The following LRFN2 variants were observed in gnomAD, a reference collection of about 807,000 sequenced individuals.
LRFN2 encodes leucine rich repeat and fibronectin type III domain containing 2.
In LRFN2, 18 loss-of-function variants were observed where a neutral mutation model predicts 37.3. The ratio of observed to expected loss-of-function variants is 0.48; its 90% CI spans 0.33 to 0.72. The LOEUF (loss-of-function observed/expected upper bound fraction) is 0.72, where lower values mean the gene tolerates loss of function less well. LRFN2 is among the 30% of genes least tolerant of loss of function. The pLI is 0.02. For missense variants in LRFN2, 1,006 were observed against 1,060.7 expected (o/e 0.95, Z 0.72); for synonymous variants, 556 against 466.6 (o/e 1.19, Z -2.47).
intron 1 of LRFN2, among the ~76,000 whole-genome samples, chr6:40,574,545 G>T (rs1262142557): frequency 6.6e-6 from 1 of 152,172 alleles, no homozygotes; most frequent in African/African-American, 2.4e-5. Context: ...AGTGCTGGAT[G>T]ATTCTGAGCC....
intron 1 of LRFN2, among the ~76,000 whole-genome samples, chr6:40,495,486 A>G (rs73732693): frequency 0.014 from 2,101 of 152,190 alleles, 63 homozygotes; most frequent in African/African-American, 0.047. Flanking sequence ...CTACTTTTCC[A>G]TGAAACAGGC....
intron 1 of LRFN2, among the ~76,000 whole-genome samples, chr6:40,580,851 G>T (rs1767384177): frequency 6.6e-6 from 1 of 152,226 alleles, no homozygotes; most frequent in South Asian, 2.1e-4. Context: ...ATGTGTGCAT[G>T]TATGAATGTA....
intron 1 of LRFN2, among the ~76,000 whole-genome samples, chr6:40,535,185 A>C (rs572860973): frequency 5.2e-4 from 79 of 152,302 alleles, no homozygotes; most frequent in African/African-American, 1.8e-3. Context: ...TGGGATCATA[A>C]ACCTGTGATC....
At chr6:40,438,099 G>A (rs767596848) in intron 1 of LRFN2, among the ~76,000 whole-genome samples, 3 of 152,182 alleles carry the variant, frequency 2.0e-5, no homozygotes, top group Non-Finnish European at 2.9e-5. Context: ...ATCTGCAAAG[G>A]AGCGAGAGCT....
intron 1 of LRFN2, among the ~76,000 whole-genome samples, chr6:40,472,550 A>C (rs6922789): frequency 0.16 from 25,041 of 152,028 alleles, 3,561 homozygotes; most frequent in African/African-American, 0.38. Context: ...CTGTGGGGTA[A>C]CCCTCGCCAC....
chr6:40,550,418 CAA>C (rs1766753336), intron 1 of LRFN2, among the ~76,000 whole-genome samples: 2 of 152,134 alleles, frequency 1.3e-5, no homozygotes, highest in African/African-American at 4.8e-5. Context: ...TTTGATTGCT[CAA>C]ACCTTAAGAC....
At chr6:40,489,074 C>A (rs1382484136) in intron 1 of LRFN2, among the ~76,000 whole-genome samples, 1 of 152,128 alleles carries the variant, frequency 6.6e-6, no homozygotes, top group East Asian at 1.9e-4. Context: ...TTACCAAACA[C>A]CTCTCTCACA....
At position 40,392,498 on chromosome 6, in the gene LRFN2, G is replaced by A; in HGVS notation, c.1815C>T (p.Arg605=). 5 of 1,582,992 alleles carry A rather than the reference G, an allele frequency of 3.2e-6. 1 individual carries two copies. Among genetic ancestry groups the A allele is most frequent in the Non-Finnish European group, 4.3e-6 (5 of 1,165,858 alleles). ...PPQGPPKVVV[R]NELLDFTASL... is the part of the protein sequence containing the mutation. ...TGGCGGTGAAGTCCAGGAGCTCGTT[G>A]CGCACCACCACCTTCGGCGGGCCCT... Residue 605 remains arginine (R), a synonymous_variant, in exon 3 of 3, where the codon CGC becomes CGT. Transcript: ENST00000338305. The surrounding 1 kb of genome is among the most constrained non-coding windows in gnomAD (Gnocchi z 4.7).
chr6:40,426,871 C>A (rs1019826090), intron 2 of LRFN2, among the ~76,000 whole-genome samples: 1 of 152,190 alleles, frequency 6.6e-6, no homozygotes, highest in African/African-American at 2.4e-5. Flanking sequence ...TATTAAAGCT[C>A]TGCTCTGACC....
At chr6:40,586,681 G>A (rs1320627587) in intron 1 of LRFN2, among the ~76,000 whole-genome samples, 1 of 152,170 alleles carries the variant, frequency 6.6e-6, no homozygotes, top group East Asian at 1.9e-4. Flanking sequence ...AGTCTCACAT[G>A]GACCCGGCTC....
At chr6:40,395,428 G>A (rs757912779) in intron 2 of LRFN2, among the ~76,000 whole-genome samples, 2 of 152,228 alleles carry the variant, frequency 1.3e-5, no homozygotes, top group Non-Finnish European at 2.9e-5. Flanking sequence ...GAGCAGCTTA[G>A]AGCCTGCTGT....
intron 1 of LRFN2, among the ~76,000 whole-genome samples, chr6:40,542,259 A>G (rs1276966562): frequency 6.6e-6 from 1 of 152,132 alleles, no homozygotes; most frequent in Non-Finnish European, 1.5e-5. Context: ...CCCTGGGTGA[A>G]TTGCCTTTCC....
At chr6:40,472,413 C>T (rs1278712379) in intron 1 of LRFN2, among the ~76,000 whole-genome samples, 1 of 152,268 alleles carries the variant, frequency 6.6e-6, no homozygotes, top group African/African-American at 2.4e-5. Flanking sequence ...AGACCCTCTG[C>T]TGTTGGCCAC....
chr6:40,495,945 A>T (rs1765214988), intron 1 of LRFN2, among the ~76,000 whole-genome samples: 1 of 152,152 alleles, frequency 6.6e-6, no homozygotes, highest in Non-Finnish European at 1.5e-5. Flanking sequence ...CTCCACTTGG[A>T]TATCTATTGG....
chr6:40,508,690 C>T (rs956781177), intron 1 of LRFN2, among the ~76,000 whole-genome samples: 1 of 152,224 alleles, frequency 6.6e-6, no homozygotes. Context: ...TAGTAAAAGA[C>T]TTAATACATG....
chr6:40,508,772 T>C (rs1765612247), intron 1 of LRFN2, among the ~76,000 whole-genome samples: 1 of 152,172 alleles, frequency 6.6e-6, no homozygotes, highest in Non-Finnish European at 1.5e-5. Context: ...GTGGAACTAA[T>C]AGTAATAGTA....
Position 40,401,908 on chromosome 6 carries a change from A to G in LRFN2, c.1401-8996T>C, listed in dbSNP as rs144491070. ...CTCAGCACTAATTTGGAAGGGCCAC[A>G]TCAGGCTTCCCCTACCCGACCCCTG... On this transcript the variant is annotated intron_variant, in intron 2 of 2. Transcript: ENST00000338305. Among the ~76,000 whole-genome samples the G allele has an allele frequency of 3.3e-5, 5 of 152,130 alleles. No homozygotes were observed. The East Asian group carries it at 9.7e-4, about 30-fold the overall frequency.
At chr6:40,577,821 A>AT (rs1561914262) in intron 1 of LRFN2, among the ~76,000 whole-genome samples, 4 of 103,240 alleles carry the variant, frequency 3.9e-5, no homozygotes, top group African/African-American at 7.9e-5. Flanking sequence ...AAATTAAAAA[A>AT]AATAAAAATA....
rs545605295 is a variant in LRFN2 at position 40,409,200 on chromosome 6, G to A, written c.1401-16288C>T. 1.5e-4 allele frequency among the ~76,000 whole-genome samples: 23 copies of A among 152,280 alleles called. No homozygotes were observed. In the South Asian group the frequency reaches 4.6e-3, roughly 30 times the overall value. On this transcript the variant is annotated intron_variant, in intron 2 of 2. Coordinates refer to ENST00000338305, the MANE Select transcript of LRFN2 (RefSeq NM_020737.3). ...AGTCATTTCATGGAGGGGCATTGGG[G>A]CCCCACCTTTTCCTTCAATTATAAC...
Sources: allele counts gnomAD v4.1 joint callset (sites outside exome capture counted in the v4.1 genomes callset), GRCh38; gene constraint gnomAD v4.1.1; non-coding constraint Gnocchi (gnomAD v3.1); transcripts MANE v1.5; gene names NCBI Gene and HGNC (gene_info 2026-07-23, HGNC 2026-07-21).